The following IQGAP2 variants were observed in gnomAD, a reference collection of about 807,000 sequenced individuals.
IQGAP2 encodes IQ motif containing GTPase activating protein 2.
Under a neutral mutation model 201.3 loss-of-function variants are expected in IQGAP2, and 173 were observed. That is an observed-to-expected ratio of 0.86 (90% CI 0.76 to 0.98). IQGAP2 has a LOEUF of 0.98. Among genes scored for constraint, IQGAP2 ranks in the 50% least tolerant of loss-of-function variants. The pLI, the probability that IQGAP2 is intolerant of heterozygous loss-of-function variation, is 0.00. For missense variants in IQGAP2, 1,687 were observed against 1,864.8 expected, an observed-to-expected ratio of 0.90 and a Z score of 1.76; for synonymous variants, 675 against 673.9, an observed-to-expected ratio of 1.00 and a Z score of -0.03.
At chr5:76,494,801 A>G (rs2150159347) in intron 2 of IQGAP2, among the ~76,000 whole-genome samples, 1 of 152,298 alleles carries the variant, frequency 6.6e-6, no homozygotes, top group South Asian at 2.1e-4. Context: ...CATTAAAGAA[A>G]GCTGTTGAAG....
intron 23 of IQGAP2, among the ~76,000 whole-genome samples, 171 bp downstream of exon 23, chr5:76,669,015 A>G (rs1437294113): frequency 2.0e-5 from 3 of 152,224 alleles, no homozygotes; most frequent in African/African-American, 7.2e-5. Flanking sequence ...ATATTCAAGT[A>G]CCATTTTCTC....
chr5:76,522,446 G>A (rs1420689896), intron 2 of IQGAP2, among the ~76,000 whole-genome samples: 1 of 152,118 alleles, frequency 6.6e-6, no homozygotes, highest in Non-Finnish European at 1.5e-5. Flanking sequence ...GCCTCCCAAA[G>A]TGCTGGGATT....
chr5:76,459,123 T>C (rs1037530600), intron 1 of IQGAP2, among the ~76,000 whole-genome samples: 1 of 152,218 alleles, frequency 6.6e-6, no homozygotes, highest in African/African-American at 2.4e-5. Context: ...TGTGGGTGTG[T>C]ATTTTAATTC....
Position 76,707,248 on chromosome 5 carries a change from G to A in IQGAP2, c.4663G>A (p.Asp1555Asn). 6.3e-7 allele frequency: 1 copy of A among 1,584,480 alleles called. No homozygotes were observed. Among genetic ancestry groups the A allele is most frequent in the South Asian group, 1.1e-5 (1 of 90,424 alleles). The change falls in exon 36 of 36, where the codon GAT becomes AAT. Residue 1555 changes from aspartate (D) to asparagine (N), a missense_variant. Physicochemically the swap from Asp to Asn is conservative, Grantham distance 23. Coordinates refer to ENST00000274364, the MANE Select transcript of IQGAP2 (RefSeq NM_006633.5). ...AGGAGTAGCTGTAATGAAAATGTTT[G>A]ATAAGGTTAAAGTGAATGTAAACCT... ...YEGVAVMKMF[D>N]KVKVNVNLLI... is the part of the protein sequence containing the mutation.
At chr5:76,690,351 A>AT (rs920145545) in intron 30 of IQGAP2, among the ~76,000 whole-genome samples, 2 of 152,284 alleles carry the variant, frequency 1.3e-5, no homozygotes, top group Admixed American at 1.3e-4. Context: ...CAGTCTTGGC[A>AT]TTTCTCTATA....
intron 2 of IQGAP2, among the ~76,000 whole-genome samples, chr5:76,483,732 C>G (rs191751176): frequency 6.6e-6 from 1 of 152,310 alleles, no homozygotes; most frequent in East Asian, 1.9e-4. Flanking sequence ...ATGTGTGTGT[C>G]TGCTCTTGCT....
At chr5:76,683,304 A>G (rs1745468168) in intron 29 of IQGAP2, 87 bp downstream of exon 29, 2 of 780,790 alleles carry the variant, frequency 2.6e-6, no homozygotes, top group East Asian at 2.7e-5. Context: ...CCTATCCTAG[A>G]TAAAACAATT....
chr5:76,405,863 G>A (rs572337317), intron 1 of IQGAP2, among the ~76,000 whole-genome samples: 6 of 152,278 alleles, frequency 3.9e-5, no homozygotes, highest in Admixed American at 2.0e-4. Flanking sequence ...GGTAAATACA[G>A]TTTCAGTAAA....
chr5:76,523,098 T>TC (rs1395114841), intron 2 of IQGAP2, among the ~76,000 whole-genome samples: 299 of 94,596 alleles, frequency 3.2e-3, no homozygotes, highest in African/African-American at 0.012. Flanking sequence ...TTTTTTTTTT[T>TC]CTGTGAGGCA....
chr5:76,644,500 A>G (rs183779643), intron 17 of IQGAP2, among the ~76,000 whole-genome samples: 16 of 151,770 alleles, frequency 1.1e-4, no homozygotes, highest in African/African-American at 3.4e-4. Context: ...GAATTTCACC[A>G]TGTTGGCCAG....
At position 76,507,609 on chromosome 5, in the gene IQGAP2, C is replaced by G. The variant is rs1037781568; in HGVS notation, c.146+45940C>G. Among the ~76,000 whole-genome samples the G allele has an allele frequency of 2.0e-5, 3 of 152,144 alleles. No homozygotes were observed. In the East Asian group the frequency reaches 5.8e-4, roughly 29 times the overall value. On this transcript the variant is annotated intron_variant, in intron 2 of 35. Transcript: ENST00000274364. ...GTCAAGAGAATGAAAAGACAGGCCA[C>G]AGACTGAGAGAAAATATTTGCAAAA...
intron 1 of IQGAP2, chr5:76,441,563 T>C: frequency 1.0e-6 from 1 of 975,618 alleles, no homozygotes; most frequent in Non-Finnish European, 1.2e-6. Context: ...ATAAAGCCAG[T>C]GGCAGGGTTC....
intron 28 of IQGAP2, among the ~76,000 whole-genome samples, chr5:76,681,013 CGA>C: frequency 7.4e-6 from 1 of 136,042 alleles, no homozygotes; most frequent in African/African-American, 2.8e-5. Flanking sequence ...GGCTGAGGCA[CGA>C]GAGTCACTTG....
chr5:76,476,020 A>C (rs1254370018), intron 2 of IQGAP2, among the ~76,000 whole-genome samples: 1 of 152,110 alleles, frequency 6.6e-6, no homozygotes, highest in Admixed American at 6.5e-5. Flanking sequence ...ACCTACAATG[A>C]GAATAAAGGG....
At chr5:76,683,252 T>A (rs766050723) in intron 29 of IQGAP2, 35 bp downstream of exon 29, 16 of 1,467,454 alleles carry the variant, frequency 1.1e-5, no homozygotes, top group Non-Finnish European at 1.4e-5. Flanking sequence ...TCCCTTGGTT[T>A]TTGTTTAATT....
At chr5:76,651,025 T>C (rs562317699) in intron 17 of IQGAP2, among the ~76,000 whole-genome samples, 14 of 152,280 alleles carry the variant, frequency 9.2e-5, no homozygotes, top group African/African-American at 2.9e-4. Context: ...ACTGCTAAAT[T>C]CCCTCCCCAA....
intron 33 of IQGAP2, among the ~76,000 whole-genome samples, chr5:76,700,343 C>G (rs1287164105): frequency 6.6e-6 from 1 of 152,162 alleles, no homozygotes; most frequent in African/African-American, 2.4e-5. Context: ...TCCTTCTCCT[C>G]TAAAAATACA....
At chr5:76,680,724 G>A (rs1288416002) in intron 28 of IQGAP2, among the ~76,000 whole-genome samples, 3 of 150,324 alleles carry the variant, frequency 2.0e-5, no homozygotes, top group Admixed American at 6.6e-5. Flanking sequence ...CCAGGAGTTC[G>A]AGGCTGCAGT....
At chr5:76,550,656 G>A (rs1479260642) in intron 2 of IQGAP2, among the ~76,000 whole-genome samples, 1 of 152,206 alleles carries the variant, frequency 6.6e-6, no homozygotes, top group Non-Finnish European at 1.5e-5. Context: ...GTTTCAGAGA[G>A]CACGGGGTTG....
Sources: gnomAD v4.1 joint callset for allele counts (sites outside exome capture counted in the v4.1 genomes callset) on GRCh38, gnomAD v4.1.1 for gene constraint, MANE v1.5 for transcripts, NCBI Gene and HGNC (gene_info 2026-07-23, HGNC 2026-07-21) for gene names.